The following TTBK2 variants were observed in gnomAD, a reference collection of about 807,000 sequenced individuals.
TTBK2 encodes the protein tau-tubulin kinase 2.
A neutral mutation model predicts 110.8 loss-of-function variants in TTBK2; 28 were observed. The observed-to-expected ratio is 0.25, with a 90% CI of 0.19 to 0.35. The LOEUF is 0.35. Ranked by LOEUF, TTBK2 falls within the 10% of genes least tolerant of loss-of-function variation. TTBK2 has a pLI of 1.00. For missense variants in TTBK2, 1,369 were observed against 1,500.3 expected, an observed-to-expected ratio of 0.91 and a Z score of 1.45; for synonymous variants, 532 against 527.3, an observed-to-expected ratio of 1.01 and a Z score of -0.12.
intron 3 of TTBK2, chr15:42,871,618 C>G (rs1894617791): frequency 2.0e-6 from 2 of 984,234 alleles, no homozygotes; most frequent in Non-Finnish European, 2.4e-6. Context: ...CTCTACACCA[C>G]TGAGTTGAGA....
At chr15:42,788,006 T>C (rs1567023529) in intron 10 of TTBK2, among the ~76,000 whole-genome samples, 1 of 152,072 alleles carries the variant, frequency 6.6e-6, no homozygotes. Context: ...CTGTTCTGAA[T>C]ACTGGAGGCA....
intron 13 of TTBK2, among the ~76,000 whole-genome samples, chr15:42,758,112 A>C (rs1207592667): frequency 1.3e-5 from 2 of 152,210 alleles, no homozygotes; most frequent in Non-Finnish European, 2.9e-5. Context: ...TACTAAGATA[A>C]TAAAAACTGC....
Position 42,888,109 on chromosome 15 carries a change from C to T in TTBK2, c.-67-9425G>A, listed in dbSNP as rs191375171. Among the ~76,000 whole-genome samples, 227 of 152,222 alleles carry T rather than the reference C, an allele frequency of 1.5e-3. 2 individuals are homozygous for T. The highest frequency in any genetic ancestry group is 4.6e-3 in the Admixed American group (70 of 15,286). ...TTGACCTTACTGTTTTAGCCTACCC[C>T]TCATCTCTGCGTGCAGTGACCACCA... is the stretch of plus-strand genomic sequence containing the variant. On this transcript the variant is annotated intron_variant, in intron 1 of 14. Coordinates refer to ENST00000267890, the MANE Select transcript of TTBK2 (RefSeq NM_173500.4).
chr15:42,749,641 T>G (rs2061839515), intron 14 of TTBK2, among the ~76,000 whole-genome samples: 1 of 152,218 alleles, frequency 6.6e-6, no homozygotes, highest in Admixed American at 6.5e-5. Flanking sequence ...AACTCTTACA[T>G]TTTTCCCCAT....
At chr15:42,814,222 A>G (rs149193555) in intron 7 of TTBK2, among the ~76,000 whole-genome samples, 2 of 152,214 alleles carry the variant, frequency 1.3e-5, no homozygotes, top group African/African-American at 4.8e-5. Context: ...GGGTTTTACC[A>G]TGTTGGCCAG....
intron 1 of TTBK2, among the ~76,000 whole-genome samples, chr15:42,890,190 C>T (rs1004124153): frequency 2.6e-5 from 4 of 152,192 alleles, no homozygotes; most frequent in African/African-American, 9.7e-5. Flanking sequence ...CAAAACATTG[C>T]TCCTAACTCC....
chr15:42,816,908 G>A, intron 7 of TTBK2, 124 bp downstream of exon 7: 1 of 504,230 alleles, frequency 2.0e-6, no homozygotes, highest in Non-Finnish European at 2.8e-6. Context: ...GACAGTGCAA[G>A]ACTCTGTCTC....
intron 3 of TTBK2, chr15:42,871,469 G>T (rs1396635906): frequency 2.0e-6 from 2 of 985,342 alleles, no homozygotes; most frequent in East Asian, 2.3e-4. Context: ...TTGGAGCCAA[G>T]TAGGAGAAAG....
intron 4 of TTBK2, among the ~76,000 whole-genome samples, chr15:42,831,866 T>C (rs1261018532): frequency 6.6e-6 from 1 of 152,210 alleles, no homozygotes; most frequent in African/African-American, 2.4e-5. Context: ...TTTTATAATA[T>C]ATCTTTAGGG....
At position 42,860,278 on chromosome 15, in the gene TTBK2, CAAACA is replaced by C. The variant is rs202146327; in HGVS notation, c.217+12328_217+12332del. On this transcript the variant is annotated intron_variant, in intron 3 of 14. Transcript: ENST00000267890. Reference sequence around the variant, plus strand: ...GTGGGATAAATGCAAAACAAACAAACAAACAAAAAACCCCAAAAACCTACATCTAA... The same window carrying C: ...GTGGGATAAATGCAAAACAAACAAACAAAAACCCCAAAAACCTACATCTAA... 8.7e-3 allele frequency among the ~76,000 whole-genome samples: 1,314 copies of C among 151,898 alleles called. 16 individuals are homozygous for C. Among genetic ancestry groups the C allele is most frequent in the African/African-American group, 0.028 (1,176 of 41,446 alleles).
At chr15:42,918,112 G>A (rs1032548133) in intron 1 of TTBK2, among the ~76,000 whole-genome samples, 2 of 151,874 alleles carry the variant, frequency 1.3e-5, no homozygotes, top group African/African-American at 4.8e-5. Flanking sequence ...GTCTTGCTCT[G>A]TCACCCAGCC....
At chr15:42,879,479 A>G (rs535845304) in intron 1 of TTBK2, among the ~76,000 whole-genome samples, 7 of 152,340 alleles carry the variant, frequency 4.6e-5, no homozygotes, top group Admixed American at 3.3e-4. Flanking sequence ...AGCAGGAGTC[A>G]GCAAACTTTT....
intron 3 of TTBK2, among the ~76,000 whole-genome samples, chr15:42,842,395 G>C (rs947656078): frequency 6.6e-6 from 1 of 152,136 alleles, no homozygotes; most frequent in African/African-American, 2.4e-5. Flanking sequence ...AGTCATTAGT[G>C]AGTCAAGGGG....
At chr15:42,785,823 T>G (rs1214333131) in intron 10 of TTBK2, among the ~76,000 whole-genome samples, 1 of 152,030 alleles carries the variant, frequency 6.6e-6, no homozygotes, top group African/African-American at 2.4e-5. Flanking sequence ...TGACCTGGAA[T>G]GTCTCAAAGT....
intron 6 of TTBK2, among the ~76,000 whole-genome samples, chr15:42,819,348 CAAA>C (rs199603804): frequency 3.1e-5 from 3 of 98,028 alleles, no homozygotes; most frequent in Admixed American, 1.1e-4. Context: ...GACTCTGTCT[CAAA>C]AAAAAAAAAA....
chr15:42,877,145 C>G (rs1894847619), intron 2 of TTBK2, among the ~76,000 whole-genome samples: 1 of 152,090 alleles, frequency 6.6e-6, no homozygotes, highest in Non-Finnish European at 1.5e-5. Flanking sequence ...TACATTTCAA[C>G]TAATAAATGA....
intron 10 of TTBK2, among the ~76,000 whole-genome samples, chr15:42,785,435 T>C (rs1433266502): frequency 1.3e-5 from 2 of 152,104 alleles, no homozygotes; most frequent in East Asian, 3.8e-4. Flanking sequence ...GCAGACTTTT[T>C]ACTAAGCACC....
intron 9 of TTBK2, among the ~76,000 whole-genome samples, chr15:42,797,184 G>T (rs1890981610): frequency 6.6e-6 from 1 of 152,208 alleles, no homozygotes; most frequent in African/African-American, 2.4e-5. Context: ...CCCCATACAG[G>T]GGAGCCTTGC....
intron 10 of TTBK2, among the ~76,000 whole-genome samples, chr15:42,785,747 T>G (rs896574139): frequency 7.9e-5 from 12 of 151,184 alleles, no homozygotes; most frequent in South Asian, 2.1e-4. Flanking sequence ...AGGGTTTTTT[T>G]TTTTTTTTTT....
Sources: gnomAD v4.1 joint callset for allele counts (sites outside exome capture counted in the v4.1 genomes callset) on GRCh38, gnomAD v4.1.1 for gene constraint, MANE v1.5 for transcripts, NCBI Gene and HGNC (gene_info 2026-07-23, HGNC 2026-07-21) for gene names.